Variants in PRKD1 observed in about 807,000 individuals in gnomAD.
PRKD1 encodes the protein protein kinase D1, also known as serine/threonine-protein kinase D1.
Under a neutral mutation model 95.9 loss-of-function variants are expected in PRKD1, and 63 were observed. The observed-to-expected ratio is 0.66, with a 90% CI of 0.54 to 0.81. The LOEUF (loss-of-function observed/expected upper bound fraction) is 0.81. Ranked by LOEUF, PRKD1 falls within the 30% of genes least tolerant of loss-of-function variation. The pLI is 0.00. For synonymous variants in PRKD1, 425 were observed against 423.1 expected, an observed-to-expected ratio of 1.00 and a Z score of -0.05; for missense variants, 1,048 against 1,165.3, an observed-to-expected ratio of 0.90 and a Z score of 1.47.
intron 1 of PRKD1, among the ~76,000 whole-genome samples, chr14:29,800,673 T>C (rs1889990302): frequency 6.6e-6 from 1 of 152,144 alleles, no homozygotes; most frequent in African/African-American, 2.4e-5. Context: ...TGATGTCAAA[T>C]CACAGGAAAA....
intron 1 of PRKD1, among the ~76,000 whole-genome samples, chr14:29,741,896 T>C (rs1359217069): frequency 6.6e-6 from 1 of 152,100 alleles, no homozygotes; most frequent in African/African-American, 2.4e-5. Context: ...TATTATGACA[T>C]TTTTACATTA....
At chr14:29,679,478 C>G (rs1196585290) in intron 2 of PRKD1, among the ~76,000 whole-genome samples, 2 of 152,098 alleles carry the variant, frequency 1.3e-5, no homozygotes, top group African/African-American at 4.8e-5. Flanking sequence ...ACAGCATCCT[C>G]CAGCATATTT....
intron 9 of PRKD1, among the ~76,000 whole-genome samples, chr14:29,632,380 C>T (rs889999461): frequency 6.6e-6 from 1 of 151,548 alleles, no homozygotes; most frequent in South Asian, 2.1e-4. Context: ...TAGTATGCCA[C>T]ATCTGTATTA....
chr14:29,710,638 C>T (rs947574922), intron 2 of PRKD1, among the ~76,000 whole-genome samples: 3 of 151,836 alleles, frequency 2.0e-5, no homozygotes, highest in Middle Eastern at 3.2e-3. Flanking sequence ...GATTGAGTCC[C>T]GAGCAGAAAC....
intron 1 of PRKD1, among the ~76,000 whole-genome samples, chr14:29,889,628 A>G (rs1893868627): frequency 6.6e-6 from 1 of 152,210 alleles, no homozygotes; most frequent in Non-Finnish European, 1.5e-5. Context: ...TCTCAGCAAA[A>G]TATCACAGGG....
At chr14:29,695,747 A>G (rs1884480957) in intron 2 of PRKD1, among the ~76,000 whole-genome samples, 1 of 152,212 alleles carries the variant, frequency 6.6e-6, no homozygotes, top group South Asian at 2.1e-4. Flanking sequence ...TAAACTGGAA[A>G]GAGTTTTGAG....
At chr14:29,918,296 G>C (rs1894963163) in intron 1 of PRKD1, among the ~76,000 whole-genome samples, 1 of 152,050 alleles carries the variant, frequency 6.6e-6, no homozygotes, top group African/African-American at 2.4e-5. Flanking sequence ...CACCTGCAGT[G>C]TTACAAAGGG....
chr14:29,815,594 A>C (rs988414153), intron 1 of PRKD1, among the ~76,000 whole-genome samples: 3 of 152,234 alleles, frequency 2.0e-5, no homozygotes, highest in African/African-American at 7.2e-5. Flanking sequence ...TCAGCTTAAC[A>C]CATCTTGTAA....
At chr14:29,890,802 T>C (rs1337069291) in intron 1 of PRKD1, among the ~76,000 whole-genome samples, 1 of 152,188 alleles carries the variant, frequency 6.6e-6, no homozygotes, top group Non-Finnish European at 1.5e-5. Context: ...TGACACTGCA[T>C]ACCCTTAACA....
chr14:29,762,949 G>C (rs1379609235), intron 1 of PRKD1, among the ~76,000 whole-genome samples: 1 of 151,636 alleles, frequency 6.6e-6, no homozygotes, highest in East Asian at 2.0e-4. Context: ...TCACCATGTT[G>C]CCCAGGCTGA....
At chr14:29,648,496 A>G (rs748981494) in intron 4 of PRKD1, among the ~76,000 whole-genome samples, 32 of 152,226 alleles carry the variant, frequency 2.1e-4, no homozygotes, top group Non-Finnish European at 4.1e-4. Context: ...TCTTTAAATT[A>G]TTGAAAGATG....
At chr14:29,780,675 T>C (rs1889001803) in intron 1 of PRKD1, among the ~76,000 whole-genome samples, 1 of 152,136 alleles carries the variant, frequency 6.6e-6, no homozygotes, top group African/African-American at 2.4e-5. Context: ...ATAAGAACAC[T>C]TTTACATTGT....
At chr14:29,759,556 C>G (rs1887876226) in intron 1 of PRKD1, among the ~76,000 whole-genome samples, 1 of 152,202 alleles carries the variant, frequency 6.6e-6, no homozygotes, top group Non-Finnish European at 1.5e-5. Context: ...CACTATCCCT[C>G]CACATTCTTA....
intron 1 of PRKD1, among the ~76,000 whole-genome samples, chr14:29,775,422 C>A (rs1284830886): frequency 6.6e-6 from 1 of 152,188 alleles, no homozygotes; most frequent in Non-Finnish European, 1.5e-5. Context: ...ACAGATGGCA[C>A]CTGGAAAATC....
chr14:29,842,958 C>T (rs1309821425), intron 1 of PRKD1, among the ~76,000 whole-genome samples: 1 of 152,078 alleles, frequency 6.6e-6, no homozygotes, highest in African/African-American at 2.4e-5. Context: ...AAATGGTAAA[C>T]AAAAACTCAA....
At chr14:29,696,753 A>G (rs1884538589) in intron 2 of PRKD1, among the ~76,000 whole-genome samples, 1 of 152,114 alleles carries the variant, frequency 6.6e-6, no homozygotes, top group Admixed American at 6.6e-5. Context: ...CAGTCATCTC[A>G]ATTTTTTTTG....
chr14:29,916,741 G>T (rs1188157740), intron 1 of PRKD1, among the ~76,000 whole-genome samples: 1 of 152,126 alleles, frequency 6.6e-6, no homozygotes, highest in Non-Finnish European at 1.5e-5. Flanking sequence ...GAACTATATA[G>T]ATGTCTCAAA....
intron 1 of PRKD1, among the ~76,000 whole-genome samples, chr14:29,785,869 T>C (rs2139180598): frequency 6.9e-6 from 1 of 145,760 alleles, no homozygotes; most frequent in South Asian, 2.2e-4. Context: ...AAAAGTTTGG[T>C]GGGGCTGTCA....
intron 13 of PRKD1, among the ~76,000 whole-genome samples, chr14:29,621,657 T>A (rs1327245962): frequency 6.6e-6 from 1 of 152,198 alleles, no homozygotes; most frequent in Non-Finnish European, 1.5e-5. Context: ...AATATCCAAC[T>A]CAGCATAACT....
Sources: allele counts gnomAD v4.1 joint callset (sites outside exome capture counted in the v4.1 genomes callset), GRCh38; gene constraint gnomAD v4.1.1; transcripts MANE v1.5; gene names NCBI Gene and HGNC (gene_info 2026-07-23, HGNC 2026-07-21).